The following PPP6R2 variants were observed in gnomAD, a reference collection of about 807,000 sequenced individuals.
The protein encoded by PPP6R2 is protein phosphatase 6 regulatory subunit 2.
Under a neutral mutation model 100.2 loss-of-function variants are expected in PPP6R2, and 62 were observed. The observed-to-expected ratio is 0.62, with a 90% CI of 0.50 to 0.76. The LOEUF is 0.76. Ranked by LOEUF, PPP6R2 falls within the 30% of genes least tolerant of loss-of-function variation. The probability of loss-of-function intolerance (pLI) is 0.00; values close to 1 mark genes in which losing one functional copy is unlikely to be tolerated. For synonymous variants in PPP6R2, 525 were observed against 514.7 expected, an observed-to-expected ratio of 1.02 and a Z score of -0.27; for missense variants, 1,142 against 1,276.3, an observed-to-expected ratio of 0.89 and a Z score of 1.60.
chr22:50,443,788 C>T, intron 22 of PPP6R2, 78 bp from the exon 23 acceptor site: 3 of 1,484,116 alleles, frequency 2.0e-6, no homozygotes, highest in East Asian at 2.5e-5. Flanking sequence ...CCTTTTTGTC[C>T]AGCTGGTCCT....
In PPP6R2 at chr22:50,437,575, G is replaced by A; in HGVS notation, c.1753G>A (p.Glu585Lys). Residue 585 changes from glutamate to lysine, a missense_variant, in exon 16 of 24, where the codon GAG becomes AAG. By Grantham distance (56) the Glu-to-Lys change is moderately conservative (BLOSUM62 1). Coordinates refer to ENST00000612753, the MANE Select transcript of PPP6R2 (RefSeq NM_001242898.2). ...GGATCAGTTTGGCTTCAATGATGAG[G>A]AGTTTGCCGACCAGGACGACAACAT... ...FVDQFGFNDE[E>K]FADQDDNINA... 2 of 1,609,976 alleles carry A rather than the reference G, an allele frequency of 1.2e-6. No individual in the cohort carries two copies. The highest frequency in any genetic ancestry group is 1.7e-6 in the Non-Finnish European group (2 of 1,177,256).
At chr22:50,360,117 A>G (rs1056461292) in intron 1 of PPP6R2, among the ~76,000 whole-genome samples, 5 of 151,030 alleles carry the variant, frequency 3.3e-5, no homozygotes, top group Admixed American at 1.3e-4. Flanking sequence ...CAATGGCACA[A>G]TGTCGGCTCA....
chr22:50,412,162 C>T (rs149264839), intron 4 of PPP6R2, among the ~76,000 whole-genome samples: 4 of 152,000 alleles, frequency 2.6e-5, no homozygotes, highest in Non-Finnish European at 5.9e-5. Flanking sequence ...TATGATCCAT[C>T]GATCATTATG....
At chr22:50,394,997 A>G (rs2056475492) in intron 3 of PPP6R2, among the ~76,000 whole-genome samples, 1 of 151,530 alleles carries the variant, frequency 6.6e-6, no homozygotes. Context: ...AGGTTGGTAC[A>G]CGTCAGAGTG....
At position 50,431,085 on chromosome 22, in the gene PPP6R2, C is replaced by T; in HGVS notation, c.1126-88C>T. On this transcript the variant is annotated intron_variant, in intron 10 of 23. Transcript: ENST00000612753. The surrounding 1 kb of genome is among the most constrained non-coding windows in gnomAD (Gnocchi z 4.8). ...GGACTTGTGAGGAGTTAGGACGCCA[C>T]CTTTAGGAAGGGTTTCCCTCAGCTT... The T allele has an allele frequency of 8.7e-7, 1 of 1,155,538 alleles. No individual in the cohort carries two copies. The highest frequency in any genetic ancestry group is 1.9e-5 in the Admixed American group (1 of 52,190). The allele number at this position is 1,155,538 out of a possible 1,614,324, so 71.6% of individuals were successfully genotyped here.
In PPP6R2 at chr22:50,443,991, C is replaced by T; in HGVS notation, c.2705C>T (p.Ala902Val). 2 of 1,612,818 alleles carry T rather than the reference C, an allele frequency of 1.2e-6. No homozygotes were observed. Among genetic ancestry groups the T allele is most frequent in the Non-Finnish European group, 1.7e-6 (2 of 1,179,828 alleles). Residue 902 changes from alanine (A) to valine (V), a missense_variant, in exon 23 of 24, where the codon GCT becomes GTT. Physicochemically the swap from Ala to Val is moderately conservative, Grantham distance 64. Transcript: ENST00000612753. ...GCCATCACCACAGCACTGAGCAAGG[C>T]TGGCCCCGCCATACCCACCCCAGCA... The part of the protein sequence containing the change: ...TVAITTALSK[A>V]GPAIPTPAVS...
chr22:50,417,721 G>A (rs1020106092), intron 6 of PPP6R2, among the ~76,000 whole-genome samples: 1 of 152,072 alleles, frequency 6.6e-6, no homozygotes, highest in African/African-American at 2.4e-5. Flanking sequence ...GCGTCTGTAG[G>A]AAGCAAGGAG....
upstream of PPP6R2, among the ~76,000 whole-genome samples, chr22:50,338,994 ATG>A (rs1406414886): frequency 3.8e-5 from 2 of 53,042 alleles, no homozygotes; most frequent in Non-Finnish European, 6.9e-5. Context: ...GGTATGTAGT[ATG>A]TGTGGTATGT....
intron 1 of PPP6R2, among the ~76,000 whole-genome samples, chr22:50,362,354 A>C (rs970500539): frequency 6.6e-5 from 10 of 152,170 alleles, no homozygotes; most frequent in African/African-American, 2.4e-4. Context: ...GCTGTGTGTT[A>C]AAGTCACCTT....
chr22:50,335,879 T>C, the PPP6R2 span, among the ~76,000 whole-genome samples: 1 of 143,826 alleles, frequency 7.0e-6, no homozygotes, highest in African/African-American at 2.7e-5. Context: ...GGTTTCACCA[T>C]GTGGGCCGGG....
At chr22:50,442,803 C>T (rs915318637) in intron 22 of PPP6R2, among the ~76,000 whole-genome samples, 7 of 151,590 alleles carry the variant, frequency 4.6e-5, no homozygotes, top group African/African-American at 1.7e-4. Context: ...CCGCCTGCCT[C>T]GGCCTCCCAA....
intron 3 of PPP6R2, among the ~76,000 whole-genome samples, chr22:50,404,049 G>T (rs1256619677): frequency 6.8e-6 from 1 of 147,842 alleles, no homozygotes; most frequent in Non-Finnish European, 1.5e-5. Flanking sequence ...CACATTTGCT[G>T]TGTGACAGGC....
chr22:50,396,541 T>G (rs73439395), intron 3 of PPP6R2, among the ~76,000 whole-genome samples: 1,855 of 151,386 alleles, frequency 0.012, 32 homozygotes, highest in African/African-American at 0.043. Flanking sequence ...GTCACACACA[T>G]GAAAACGATA....
At chr22:50,438,132 C>T (rs773528277) in intron 17 of PPP6R2, 42 bp from the exon 18 acceptor site, 1 of 1,590,202 alleles carries the variant, frequency 6.3e-7, no homozygotes, top group South Asian at 1.2e-5. Flanking sequence ...TCCTGTCTCC[C>T]CCAGACCCTC....
intron 2 of PPP6R2, among the ~76,000 whole-genome samples, chr22:50,375,632 GA>G (rs939963385): frequency 4.0e-5 from 6 of 151,862 alleles, no homozygotes; most frequent in South Asian, 4.2e-4. Flanking sequence ...GATGAAAAGG[GA>G]AAAAAACCTG....
intron 1 of PPP6R2, among the ~76,000 whole-genome samples, chr22:50,361,217 C>G (rs1215162406): frequency 6.6e-6 from 1 of 152,132 alleles, no homozygotes; most frequent in Non-Finnish European, 1.5e-5. Flanking sequence ...CCTTTGATAA[C>G]TCCTTTTTTT....
intron 1 of PPP6R2, among the ~76,000 whole-genome samples, chr22:50,358,184 G>A (rs555925410): frequency 6.6e-6 from 1 of 152,232 alleles, no homozygotes; most frequent in South Asian, 2.1e-4. Context: ...TTTAACTCCT[G>A]ACCTCAAGTG....
At chr22:50,364,826 G>A (rs1304400320) in intron 1 of PPP6R2, among the ~76,000 whole-genome samples, 1 of 152,058 alleles carries the variant, frequency 6.6e-6, no homozygotes, top group Non-Finnish European at 1.5e-5. Flanking sequence ...TGCCAAAGTT[G>A]TATTGTGTGC....
intron 2 of PPP6R2, among the ~76,000 whole-genome samples, chr22:50,378,402 C>T (rs1251621537): frequency 2.0e-5 from 3 of 151,906 alleles, no homozygotes; most frequent in South Asian, 2.1e-4. Flanking sequence ...GCCTGACCAG[C>T]GTGGAGAAAC....
Sources: gnomAD v4.1 joint callset for allele counts (sites outside exome capture counted in the v4.1 genomes callset) on GRCh38, gnomAD v4.1.1 for gene constraint, Gnocchi (gnomAD v3.1) non-coding constraint, MANE v1.5 for transcripts, NCBI Gene and HGNC (gene_info 2026-07-23, HGNC 2026-07-21) for gene names.